Variants in EPC2 observed in about 807,000 individuals in gnomAD.
EPC2 encodes enhancer of polycomb 2, also known as enhancer of polycomb homolog 2.
EPC2 carries 14 observed loss-of-function variants against 92.1 expected under a neutral mutation model. That is an observed-to-expected ratio of 0.15 (90% CI 0.10 to 0.24). The LOEUF (loss-of-function observed/expected upper bound fraction) is 0.24. Ranked by LOEUF, EPC2 falls within the 10% of genes least tolerant of loss-of-function variation. EPC2 has a pLI of 1.00. For missense variants in EPC2, 755 were observed against 971.5 expected (o/e 0.78, Z 2.96); for synonymous variants, 340 against 334.7 (o/e 1.02, Z -0.17).
At chr2:148,700,927 ATT>A (rs1181554399) in intron 2 of EPC2, among the ~76,000 whole-genome samples, 1 of 151,840 alleles carries the variant, frequency 6.6e-6, no homozygotes, top group Non-Finnish European at 1.5e-5. Context: ...ATATCTCTGC[ATT>A]TTTTTATTTC....
rs577005978 is a variant in EPC2 at position 148,648,234 on chromosome 2, TTTTCTTTTTC to T, written c.153+3074_153+3083del. On this transcript the variant is annotated intron_variant, in intron 1 of 13. Coordinates refer to ENST00000258484, the MANE Select transcript of EPC2 (RefSeq NM_015630.4). ...CAGAGTGTCCAATTGGAGTATTAGT[TTTTCTTTTTC>T]TTTCTTTTTTAAATATGTATGTCAG... 2.6e-3 allele frequency among the ~76,000 whole-genome samples: 400 copies of T among 152,348 alleles called. 2 individuals carry two copies. Among genetic ancestry groups the T allele is most frequent in the African/African-American group, 7.3e-3 (305 of 41,584 alleles).
At chr2:148,670,630 G>T (rs1007178497) in intron 1 of EPC2, among the ~76,000 whole-genome samples, 1 of 151,956 alleles carries the variant, frequency 6.6e-6, no homozygotes, top group Admixed American at 6.6e-5. Context: ...GTCAAACGTG[G>T]TTCTAAAATT....
At chr2:148,693,206 G>A (rs946971909) in intron 2 of EPC2, among the ~76,000 whole-genome samples, 3 of 152,078 alleles carry the variant, frequency 2.0e-5, no homozygotes, top group African/African-American at 7.2e-5. Context: ...TTTCACTCTG[G>A]ATTTTTCCTT....
intron 2 of EPC2, among the ~76,000 whole-genome samples, chr2:148,728,657 G>C (rs746733940): frequency 6.7e-6 from 1 of 149,786 alleles, no homozygotes; most frequent in Non-Finnish European, 1.5e-5. Context: ...TTGAGCCTAA[G>C]AGGTCAAGGT....
chr2:148,691,418 AG>A (rs1681641514), intron 2 of EPC2: 1 of 1,186,076 alleles, frequency 8.4e-7, no homozygotes, highest in Non-Finnish European at 1.2e-6. Flanking sequence ...CTGGGTGTGA[AG>A]TCTGGTGATT....
chr2:148,669,153 G>A (rs1681107485), intron 1 of EPC2, among the ~76,000 whole-genome samples: 1 of 152,122 alleles, frequency 6.6e-6, no homozygotes, highest in Non-Finnish European at 1.5e-5. Context: ...CTCTTGTGGT[G>A]TTTCAACCAT....
intron 7 of EPC2, among the ~76,000 whole-genome samples, chr2:148,768,472 T>C (rs545219643): frequency 3.9e-5 from 6 of 152,366 alleles, no homozygotes; most frequent in African/African-American, 1.2e-4. Context: ...TGCTTTCTAA[T>C]ATGTGACAGC....
chr2:148,651,519 A>G (rs893176572), intron 1 of EPC2, among the ~76,000 whole-genome samples: 4 of 152,236 alleles, frequency 2.6e-5, no homozygotes, highest in Non-Finnish European at 4.4e-5. Flanking sequence ...AGGTAGAATT[A>G]GACTAAATTA....
chr2:148,779,509 G>A (rs1313669798), intron 10 of EPC2, among the ~76,000 whole-genome samples: 3 of 152,118 alleles, frequency 2.0e-5, no homozygotes, highest in South Asian at 2.1e-4. Context: ...CTTGAACCCA[G>A]GAGTTCAAGG....
chr2:148,645,192 A>G (rs764184388), intron 1 of EPC2, 22 bp downstream of exon 1: 2 of 1,464,606 alleles, frequency 1.4e-6, no homozygotes, highest in Non-Finnish European at 9.3e-7. Context: ...AGTGTTTATT[A>G]CCCCCCCTTC....
intron 1 of EPC2, among the ~76,000 whole-genome samples, chr2:148,679,363 T>C (rs943611295): frequency 2.6e-5 from 4 of 152,196 alleles, no homozygotes; most frequent in Non-Finnish European, 4.4e-5. Context: ...GTTTCTTGAG[T>C]CTTATTTATA....
At chr2:148,720,358 G>A (rs1043749427) in intron 2 of EPC2, among the ~76,000 whole-genome samples, 1 of 152,156 alleles carries the variant, frequency 6.6e-6, no homozygotes, top group African/African-American at 2.4e-5. Context: ...GCCTATTGCT[G>A]GTGGCTGCTT....
chr2:148,767,501 A>G (rs1683432430), intron 7 of EPC2, among the ~76,000 whole-genome samples: 1 of 152,214 alleles, frequency 6.6e-6, no homozygotes, highest in African/African-American at 2.4e-5. Flanking sequence ...AAGAGTAAGT[A>G]TTAATGTTTA....
intron 1 of EPC2, among the ~76,000 whole-genome samples, chr2:148,648,972 C>T (rs925070403): frequency 3.3e-5 from 5 of 152,160 alleles, no homozygotes; most frequent in African/African-American, 1.2e-4. Context: ...TTGTAATGCT[C>T]CTCACGGCAC....
At chr2:148,760,265 AC>A (rs1683277405) in intron 4 of EPC2, among the ~76,000 whole-genome samples, 1 of 152,140 alleles carries the variant, frequency 6.6e-6, no homozygotes, top group Non-Finnish European at 1.5e-5. Flanking sequence ...TCACATACAC[AC>A]AAACACACAC....
chr2:148,680,613 C>T (rs1458463273), intron 1 of EPC2, among the ~76,000 whole-genome samples: 3 of 152,074 alleles, frequency 2.0e-5, no homozygotes, highest in Non-Finnish European at 4.4e-5. Flanking sequence ...TTTGTTGAGC[C>T]AACTTGGTCA....
At chr2:148,762,128 A>G in intron 5 of EPC2, 198 bp downstream of exon 5, 4 of 422,024 alleles carry the variant, frequency 9.5e-6, no homozygotes, top group Non-Finnish European at 1.6e-5. Context: ...AGATTTTGGG[A>G]GAGTTTTGTG....
intron 7 of EPC2, among the ~76,000 whole-genome samples, chr2:148,768,827 T>A (rs1470151336): frequency 6.6e-6 from 1 of 152,192 alleles, no homozygotes; most frequent in Non-Finnish European, 1.5e-5. Flanking sequence ...CATTAAATAT[T>A]TATAGCCACA....
At chr2:148,774,173 T>A (rs1683577833) in intron 10 of EPC2, among the ~76,000 whole-genome samples, 1 of 152,142 alleles carries the variant, frequency 6.6e-6, no homozygotes, top group Non-Finnish European at 1.5e-5. Flanking sequence ...AGAAACATAA[T>A]GCACTTTATT....
Sources: allele counts gnomAD v4.1 joint callset (sites outside exome capture counted in the v4.1 genomes callset), GRCh38; gene constraint gnomAD v4.1.1; transcripts MANE v1.5; gene names NCBI Gene and HGNC (gene_info 2026-07-23, HGNC 2026-07-21).